Variants in PRKN observed in about 807,000 individuals in gnomAD.
PRKN encodes E3 ubiquitin-protein ligase parkin.
PRKN carries 56 observed loss-of-function variants against 59.5 expected under a neutral mutation model. That is an observed-to-expected ratio of 0.94 (90% confidence interval 0.76 to 1.18). PRKN has a LOEUF of 1.18. Ranked by LOEUF, PRKN falls within the 50% of genes most tolerant of loss-of-function variation. PRKN has a pLI of 0.00. For missense variants in PRKN, 657 were observed against 596.4 expected, an observed-to-expected ratio of 1.10 and a Z score of -1.06; for synonymous variants, 250 against 222.1, an observed-to-expected ratio of 1.13 and a Z score of -1.12.
At chr6:161,910,830 C>A (rs1236540190) in intron 6 of PRKN, among the ~76,000 whole-genome samples, 2 of 152,180 alleles carry the variant, frequency 1.3e-5, no homozygotes, top group African/African-American at 4.8e-5. Context: ...AACATCAAGG[C>A]AAAACCCTCT....
chr6:162,051,025 G>A (rs1777618293), intron 5 of PRKN, among the ~76,000 whole-genome samples: 1 of 152,064 alleles, frequency 6.6e-6, no homozygotes, highest in Admixed American at 6.5e-5. Context: ...AGGAGTGTGA[G>A]GAACCACACA....
chr6:161,427,731 AATAG>A lies in PRKN; in HGVS notation c.1084-40858_1084-40855del, dbSNP rs548972549. 3.7e-4 allele frequency among the ~76,000 whole-genome samples: 56 copies of A among 152,314 alleles called. 1 individual carries two copies. The East Asian group carries it at 7.5e-3, about 20-fold the overall frequency. On this transcript the variant is annotated intron_variant, in intron 9 of 11. Coordinates refer to ENST00000366898, the MANE Select transcript of PRKN (RefSeq NM_004562.3). The stretch of plus-strand genomic sequence containing the variant: ...CCTTTGCTGAGGTTGGAAGTATTCA[AATAG>A]ATAGATAAAGTCACATCATAATCCC...
chr6:162,089,036 G>A (rs1422873755), intron 4 of PRKN, among the ~76,000 whole-genome samples: 1 of 152,058 alleles, frequency 6.6e-6, no homozygotes, highest in African/African-American at 2.4e-5. Flanking sequence ...AAACATGAGC[G>A]AACAAAGACA....
rs750022000 is a variant in PRKN at position 161,569,383 on chromosome 6, T to C, written c.905A>G (p.His302Arg). ...CTCTTCTCCCAGAATCCTGAAGTGA[T>C]GGAGCTCTTTAATCAAGGAGTTGGG... Reference protein sequence around the residue: ...GCPNSLIKELHHFRILGEEQY... With the variant: ...GCPNSLIKELRHFRILGEEQY... Residue 302 changes from histidine to arginine, a missense_variant, in exon 8 of 12, where the codon CAT becomes CGT. By Grantham distance (29) the His-to-Arg change is conservative (BLOSUM62 0). Coordinates refer to ENST00000366898, the MANE Select transcript of PRKN (RefSeq NM_004562.3). 2.5e-6 allele frequency: 4 copies of C among 1,613,878 alleles called. No homozygotes were observed. In the African/African-American group the frequency reaches 4.0e-5, roughly 16 times the overall value.
At chr6:161,633,487 A>G (rs754184845) in intron 7 of PRKN, among the ~76,000 whole-genome samples, 7 of 152,234 alleles carry the variant, frequency 4.6e-5, no homozygotes, top group Non-Finnish European at 7.3e-5. Context: ...AATTTATCAA[A>G]CAAATTAACA....
At chr6:162,135,986 G>A (rs1485467269) in intron 4 of PRKN, among the ~76,000 whole-genome samples, 6 of 151,892 alleles carry the variant, frequency 4.0e-5, no homozygotes, top group Admixed American at 3.9e-4. Flanking sequence ...GCCTTGCTGA[G>A]TCCCTCAACT....
chr6:161,382,555 C>T (rs757857186), intron 10 of PRKN, among the ~76,000 whole-genome samples: 6 of 152,110 alleles, frequency 3.9e-5, no homozygotes, highest in Admixed American at 1.3e-4. Flanking sequence ...TTTGCAAGAG[C>T]AAGTGTGTAG....
intron 4 of PRKN, among the ~76,000 whole-genome samples, chr6:162,135,280 G>A (rs1350302314): frequency 6.6e-6 from 1 of 152,072 alleles, no homozygotes; most frequent in African/African-American, 2.4e-5. Flanking sequence ...GAGATTACAG[G>A]TTTGAGCCAC....
At chr6:162,474,247 T>C (rs896287309) in intron 1 of PRKN, among the ~76,000 whole-genome samples, 7 of 152,338 alleles carry the variant, frequency 4.6e-5, no homozygotes, top group East Asian at 1.9e-4. Flanking sequence ...ATAATACATC[T>C]TACTTCTTTT....
rs1002760977 is a variant in PRKN, at chr6:161,440,409, C to A, written c.1084-53532G>T. The stretch of plus-strand genomic sequence containing the variant: ...TCCTACAATGCAAAGAACAGTCCCC[C>A]TGACAAAGGATTATCCCACCCCAAA... On this transcript the variant is annotated intron_variant, in intron 9 of 11. Coordinates refer to ENST00000366898, the MANE Select transcript of PRKN (RefSeq NM_004562.3). This position sits in a 1 kb window ranked among gnomAD's most constrained non-coding sequence, Gnocchi z 4.1. 6.6e-6 allele frequency among the ~76,000 whole-genome samples: 1 copy of A among 152,172 alleles called. No homozygotes were observed. The highest frequency in any genetic ancestry group is 2.4e-5 in the African/African-American group (1 of 41,446).
At chr6:162,522,060 TTTTC>T (rs1778099964) in intron 1 of PRKN, among the ~76,000 whole-genome samples, 1 of 152,238 alleles carries the variant, frequency 6.6e-6, no homozygotes, top group Non-Finnish European at 1.5e-5. Context: ...AACCTGATAG[TTTTC>T]TTTGAGTAAG....
chr6:162,095,884 C>A (rs1414833696), intron 4 of PRKN, among the ~76,000 whole-genome samples: 1 of 152,136 alleles, frequency 6.6e-6, no homozygotes, highest in Non-Finnish European at 1.5e-5. Context: ...GACAGCGATA[C>A]TAAGTTCAGA....
chr6:161,897,985 G>A (rs1172306029), intron 6 of PRKN, among the ~76,000 whole-genome samples: 188 of 28,010 alleles, frequency 6.7e-3, no homozygotes, highest in Non-Finnish European at 9.6e-3. Context: ...AAAAAAAAAA[G>A]TCTCCCAGTT....
At chr6:161,915,379 T>A (rs562594210) in intron 6 of PRKN, among the ~76,000 whole-genome samples, 128 of 152,220 alleles carry the variant, frequency 8.4e-4, no homozygotes, top group Middle Eastern at 3.4e-3. Flanking sequence ...TTCTTATTAT[T>A]CTATGTACAA....
At chr6:162,565,690 CAAAAT>C (rs750744485) in intron 1 of PRKN, among the ~76,000 whole-genome samples, 3 of 138,146 alleles carry the variant, frequency 2.2e-5, no homozygotes, top group African/African-American at 5.7e-5. Context: ...AACTCAGTCT[CAAAAT>C]AAATACATAC....
intron 1 of PRKN, among the ~76,000 whole-genome samples, chr6:162,552,792 G>A (rs1008212905): frequency 6.6e-6 from 1 of 152,026 alleles, no homozygotes; most frequent in Admixed American, 6.6e-5. Flanking sequence ...AGGACGTGGG[G>A]CCAAGCTCTG....
chr6:162,102,436 T>C (rs185970401), intron 4 of PRKN, among the ~76,000 whole-genome samples: 1 of 152,180 alleles, frequency 6.6e-6, no homozygotes, highest in Non-Finnish European at 1.5e-5. Context: ...TCTATCTAGT[T>C]AGGTTAATCT....
chr6:162,552,183 G>A (rs58108999), intron 1 of PRKN, among the ~76,000 whole-genome samples: 13,325 of 152,218 alleles, frequency 0.088, 736 homozygotes, highest in South Asian at 0.19. Flanking sequence ...GTGACTAGGC[G>A]TTGGTGGCCA....
At chr6:162,347,762 T>G (rs939644313) in intron 2 of PRKN, among the ~76,000 whole-genome samples, 1 of 152,188 alleles carries the variant, frequency 6.6e-6, no homozygotes, top group Non-Finnish European at 1.5e-5. Flanking sequence ...TTTCTTCTTT[T>G]AAAAAGAGCT....
Sources: allele counts gnomAD v4.1 joint callset (sites outside exome capture counted in the v4.1 genomes callset), GRCh38; gene constraint gnomAD v4.1.1; non-coding constraint Gnocchi (gnomAD v3.1); transcripts MANE v1.5; gene names NCBI Gene and HGNC (gene_info 2026-07-23, HGNC 2026-07-21).